DAGLB: variants seen among roughly 807,000 people sequenced by gnomAD.
DAGLB encodes diacylglycerol lipase beta, also known as diacylglycerol lipase-beta.
Under a neutral mutation model 72.1 loss-of-function variants are expected in DAGLB, and 66 were observed. That is an observed-to-expected ratio of 0.92 (90% CI 0.75 to 1.12). The LOEUF is 1.12. Among genes scored for constraint, DAGLB ranks in the 50% most tolerant of loss-of-function variants. The probability of loss-of-function intolerance (pLI) is 0.00; values close to 1 mark genes in which losing one functional copy is unlikely to be tolerated. For missense variants in DAGLB, 1,065 were observed against 884.9 expected, an observed-to-expected ratio of 1.20 and a Z score of -2.58; for synonymous variants, 414 against 359.5, an observed-to-expected ratio of 1.15 and a Z score of -1.71.
rs1427307944 is a variant in DAGLB at position 6,410,271 on chromosome 7, A to G, written c.1679T>C (p.Leu560Pro). 6.2e-7 allele frequency: 1 copy of G among 1,613,594 alleles called. No individual in the cohort carries two copies. Among genetic ancestry groups the G allele is most frequent in the Non-Finnish European group, 8.5e-7 (1 of 1,179,872 alleles). ...GDQEVLTQPL[L>P]GEQSLLTRWS... is the part of the protein sequence containing the mutation. The stretch of plus-strand genomic sequence containing the variant: ...GCGCGTCAGTAGGCTCTGCTCCCCC[A>G]GAAGAGGCTGTGTCAGGACTTCCTG... The change falls in exon 14 of 15, where the codon CTG becomes CCG. Residue 560 changes from leucine to proline, a missense_variant. Physicochemically the swap from Leu to Pro is moderately conservative, Grantham distance 98. Transcript: ENST00000297056.
At chr7:6,436,555 G>C (rs778650264) in intron 2 of DAGLB, 22 bp from the exon 3 acceptor site, 1 of 1,613,622 alleles carries the variant, frequency 6.2e-7, no homozygotes. Context: ...AAAACGTTCC[G>C]ACTGCTCAGT....
At chr7:6,432,328 G>A (rs982985678) in intron 5 of DAGLB, among the ~76,000 whole-genome samples, 4 of 150,898 alleles carry the variant, frequency 2.7e-5, no homozygotes, top group Non-Finnish European at 4.4e-5. Context: ...CGAGCAACAA[G>A]AGCAAAACTC....
rs190665181 is a variant in DAGLB, at chr7:6,422,408, G to T, written c.1141-604C>A. The stretch of plus-strand genomic sequence containing the variant: ...GCTCCACACCAGCCATATTTGAAAA[G>T]GTCCACAGGCGAGTGCTGTGCTGCT... On this transcript the variant is annotated intron_variant, in intron 8 of 14. Transcript: ENST00000297056. 1,942 of 209,638 alleles carry T rather than the reference G, an allele frequency of 9.3e-3. 26 individuals are homozygous for T. The highest frequency in any genetic ancestry group is 0.03 in the South Asian group (426 of 14,152). 13.0% of individuals were successfully genotyped at this position (209,638 alleles called of 1,614,324 possible). A position where few individuals can be genotyped will look rare whatever the true frequency, so the allele number is the denominator to read the frequency against.
chr7:6,446,195 G>C (rs924555633), intron 1 of DAGLB, 91 bp from the exon 2 acceptor site: 1 of 1,381,604 alleles, frequency 7.2e-7, no homozygotes, highest in Non-Finnish European at 9.5e-7. Flanking sequence ...GGGACAGGGC[G>C]CGGTGGCTCA....
chr7:6,416,982 C>T, intron 9 of DAGLB, 61 bp from the exon 10 acceptor site: 2 of 1,577,170 alleles, frequency 1.3e-6, no homozygotes, highest in South Asian at 1.1e-5. Context: ...CCAGCAGAGA[C>T]TCAAAGATGG....
chr7:6,410,451 A>C, intron 13 of DAGLB, 71 bp from the exon 14 acceptor site: 1 of 1,526,248 alleles, frequency 6.6e-7, no homozygotes, highest in Non-Finnish European at 8.8e-7. Context: ...CGAAACACCA[A>C]GGCGGACCAG....
chr7:6,443,063 G>GTCC (rs1784881453), intron 2 of DAGLB, among the ~76,000 whole-genome samples: 1 of 149,426 alleles, frequency 6.7e-6, no homozygotes, highest in African/African-American at 2.5e-5. Context: ...GGCGCCTGTA[G>GTCC]TCCCAGCTAC....
intron 2 of DAGLB, among the ~76,000 whole-genome samples, chr7:6,436,873 A>G (rs836539): frequency 0.58 from 88,563 of 151,710 alleles, 28,118 homozygotes; most frequent in East Asian, 0.91. Flanking sequence ...GGGGCCGGGC[A>G]CGGTGACTCA....
At chr7:6,417,171 G>A in intron 9 of DAGLB, 1 of 456,036 alleles carries the variant, frequency 2.2e-6, no homozygotes, top group Non-Finnish European at 4.0e-6. Flanking sequence ...CAAGGCAGGA[G>A]GACACTTGAG....
At chr7:6,418,318 A>G (rs1783985435) in intron 9 of DAGLB, among the ~76,000 whole-genome samples, 1 of 152,112 alleles carries the variant, frequency 6.6e-6, no homozygotes, top group Non-Finnish European at 1.5e-5. Context: ...ACAGTGAACT[A>G]TGATTGCACC....
chr7:6,418,427 C>T (rs765592635), intron 9 of DAGLB, among the ~76,000 whole-genome samples: 5 of 151,998 alleles, frequency 3.3e-5, no homozygotes, highest in Non-Finnish European at 4.4e-5. Flanking sequence ...ATTCCCTACA[C>T]GCAGTTAAGC....
At chr7:6,413,055 AG>A in intron 11 of DAGLB, 21 bp from the exon 12 acceptor site, 8 of 1,610,494 alleles carry the variant, frequency 5.0e-6, no homozygotes, top group Non-Finnish European at 6.8e-6. Flanking sequence ...AAACAGAGAG[AG>A]GATGTTAGCT....
intron 2 of DAGLB, among the ~76,000 whole-genome samples, chr7:6,444,471 G>C (rs554660935): frequency 1.6e-4 from 25 of 151,938 alleles, no homozygotes; most frequent in African/African-American, 5.8e-4. Context: ...GCGTGGTAGC[G>C]GGTGCCTGTA....
chr7:6,437,803 G>A (rs932847606), intron 2 of DAGLB, among the ~76,000 whole-genome samples: 5 of 151,856 alleles, frequency 3.3e-5, no homozygotes, highest in African/African-American at 7.3e-5. Context: ...CATTACACCT[G>A]GCTAATTTTT....
chr7:6,411,209 A>T (rs1416269772), intron 13 of DAGLB, among the ~76,000 whole-genome samples: 1 of 149,964 alleles, frequency 6.7e-6, no homozygotes, highest in Non-Finnish European at 1.5e-5. Flanking sequence ...GGGTTTCTCC[A>T]TGTTAGTCAG....
At chr7:6,412,673 G>T in intron 13 of DAGLB, 138 bp downstream of exon 13, 1 of 971,246 alleles carries the variant, frequency 1.0e-6, no homozygotes, top group Non-Finnish European at 1.6e-6. Context: ...CCCAGAATCT[G>T]ATCAGATGGT....
chr7:6,410,294 C>A lies in DAGLB; in HGVS notation c.1656G>T (p.Gln552His). Residue 552 changes from glutamine (Q) to histidine (H), a missense_variant, in exon 14 of 15, where the codon CAG (glutamine) becomes CAT (histidine). Transcript: ENST00000297056. ...NLPTELDGGD[Q>H]EVLTQPLLGE... Reference sequence around the variant, plus strand: ...CCAGAAGAGGCTGTGTCAGGACTTCCTGGTCGCCCCCGTCCAGCTCCGTGG... The same window carrying A: ...CCAGAAGAGGCTGTGTCAGGACTTCATGGTCGCCCCCGTCCAGCTCCGTGG... 6.2e-7 allele frequency: 1 copy of A among 1,613,978 alleles called. No individual in the cohort carries two copies. Among genetic ancestry groups the A allele is most frequent in the East Asian group, 2.2e-5 (1 of 44,876 alleles).
At chr7:6,439,358 T>G (rs1425387703) in intron 2 of DAGLB, among the ~76,000 whole-genome samples, 1 of 152,116 alleles carries the variant, frequency 6.6e-6, no homozygotes, top group Non-Finnish European at 1.5e-5. Flanking sequence ...GCAGGCTTCC[T>G]AAGGTCGCTG....
In DAGLB at chr7:6,416,778, G is replaced by C. The variant is rs771124900; in HGVS notation, c.1300-24C>G. ...TCCTAGAGGACAGACAGCAGAATGA[G>C]GTGAAGGGTAAAAACAACAGCTCCA... On this transcript the variant is annotated intron_variant, in intron 10 of 14. Transcript: ENST00000297056. The C allele has an allele frequency of 2.5e-6, 4 of 1,614,028 alleles. No homozygotes were observed. The South Asian group carries it at 4.4e-5, about 18-fold the overall frequency.
Sources: gnomAD v4.1 joint callset for allele counts (sites outside exome capture counted in the v4.1 genomes callset) on GRCh38, gnomAD v4.1.1 for gene constraint, MANE v1.5 for transcripts, NCBI Gene and HGNC (gene_info 2026-07-23, HGNC 2026-07-21) for gene names.